Variants in NOD2 observed in about 807,000 individuals in gnomAD.
The protein encoded by NOD2 is nucleotide binding oligomerization domain containing 2, also known as nucleotide-binding oligomerization domain-containing protein 2.
In NOD2, 86 loss-of-function variants were observed where a neutral mutation model predicts 90.9. That is an observed-to-expected ratio of 0.95 (90% CI 0.79 to 1.13). The LOEUF (loss-of-function observed/expected upper bound fraction) is 1.13. NOD2 is among the 50% of genes most tolerant of loss of function. The probability of loss-of-function intolerance (pLI) is 0.00; values close to 1 mark genes in which losing one functional copy is unlikely to be tolerated. For missense variants in NOD2, 1,238 were observed against 1,283.8 expected, an observed-to-expected ratio of 0.96 and a Z score of 0.55; for synonymous variants, 581 against 554.6, an observed-to-expected ratio of 1.05 and a Z score of -0.67.
chr16:50,718,530 A>G (rs1964901048), intron 6 of NOD2, among the ~76,000 whole-genome samples: 1 of 152,244 alleles, frequency 6.6e-6, no homozygotes, highest in South Asian at 2.1e-4. Context: ...AAACCATAGA[A>G]GGCGAAGCTG....
rs199475912 is a variant in NOD2, at chr16:50,710,942, C to T, written c.950C>T (p.Ser317Phe). Residue 317 changes from serine (S) to phenylalanine (F), a missense_variant, in exon 4 of 12, where the codon TCT becomes TTT. This residue lies in a region of NOD2 where 567 missense variants were observed against 577.3 expected (regional missense o/e 0.98). Coordinates refer to ENST00000647318, the MANE Select transcript of NOD2 (RefSeq NM_001370466.1). ...RQLQCMAKPL[S>F]VRTLLFEHCC... ...CTGCAGTGCATGGCCAAACCACTCT[C>T]TGTGCGGACTCTACTCTTTGAGCAC... 6.2e-7 allele frequency: 1 copy of T among 1,614,232 alleles called. No homozygotes were observed. The highest frequency in any genetic ancestry group is 1.3e-5 in the African/African-American group (1 of 75,072).
rs376893805 is a variant in NOD2 at position 50,699,427 on chromosome 16, C to G, written c.-8-61C>G. ...CTGGGGCTGACTTGCCCTGGCCTTC[C>G]CTGACCACCCTGCATCTGGCTTCTG... On this transcript the variant is annotated intron_variant, in intron 1 of 11. Transcript: ENST00000647318. The G allele has an allele frequency of 1.7e-5, 25 of 1,498,300 alleles. No homozygotes were observed. In the African/African-American group the frequency reaches 2.9e-4, roughly 17 times the overall value. The allele number at this position is 1,498,300 out of a possible 1,614,324, so 92.8% of individuals were successfully genotyped here.
chr16:50,705,583 T>C (rs1038806925), intron 2 of NOD2, among the ~76,000 whole-genome samples: 1 of 152,254 alleles, frequency 6.6e-6, no homozygotes, highest in East Asian at 1.9e-4. Flanking sequence ...ACAGACCTTT[T>C]GCCTGGGGAT....
intron 6 of NOD2, among the ~76,000 whole-genome samples, chr16:50,719,466 G>A (rs1964943224): frequency 6.6e-6 from 1 of 152,046 alleles, no homozygotes; most frequent in Non-Finnish European, 1.5e-5. Flanking sequence ...AGGCTCAGTG[G>A]GCCCCACCCC....
rs184148848 is a variant in NOD2, at chr16:50,695,874, G to A, written c.-9+2212G>A. Reference sequence around the variant, plus strand: ...GGAACTAGAGGGAATGGGAGGGGATGGGAGGACTTGGGGACAGCAGTACAG... The same window carrying A: ...GGAACTAGAGGGAATGGGAGGGGATAGGAGGACTTGGGGACAGCAGTACAG... On this transcript the variant is annotated intron_variant, in intron 1 of 11. Transcript: ENST00000647318. 7.9e-5 allele frequency among the ~76,000 whole-genome samples: 12 copies of A among 152,234 alleles called. No individual in the cohort carries two copies. In the South Asian group the frequency reaches 1.0e-3, roughly 13 times the overall value.
intron 2 of NOD2, among the ~76,000 whole-genome samples, chr16:50,703,724 T>C (rs1964049746): frequency 6.6e-6 from 1 of 151,998 alleles, no homozygotes; most frequent in Admixed American, 6.5e-5. Context: ...TATTGCCTTT[T>C]CTTAGATGAA....
chr16:50,700,671 A>G lies in NOD2; in HGVS notation c.459+717A>G, dbSNP rs181635751. On this transcript the variant is annotated intron_variant, in intron 2 of 11. Coordinates refer to ENST00000647318, the MANE Select transcript of NOD2 (RefSeq NM_001370466.1). ...TTGAGTAATGCTTAGGATAGTGTCT[A>G]TTACCACTGGCTGCTATTTATTATT... Among the ~76,000 whole-genome samples, 15 of 152,332 alleles carry G rather than the reference A, an allele frequency of 9.8e-5. No individual in the cohort carries two copies. In the East Asian group the frequency reaches 2.5e-3, roughly 25 times the overall value.
intron 2 of NOD2, among the ~76,000 whole-genome samples, chr16:50,706,312 T>C (rs148968521): frequency 2.0e-5 from 3 of 152,318 alleles, no homozygotes; most frequent in African/African-American, 7.2e-5. Flanking sequence ...AAGGTTACTA[T>C]TGGACTTGGA....
chr16:50,710,649 C>T lies in NOD2; in HGVS notation c.657C>T (p.Leu219=). The T allele has an allele frequency of 6.2e-7, 1 of 1,614,228 alleles. No individual in the cohort carries two copies. Among genetic ancestry groups the T allele is most frequent in the Non-Finnish European group, 8.5e-7 (1 of 1,180,042 alleles). Residue 219 remains leucine, a synonymous_variant, in exon 4 of 12, where the codon CTC becomes CTT. Transcript: ENST00000647318. The part of the protein sequence containing the change: ...FLSTYDGAET[L]CLEDIYTENV... ...GTACCTATGATGGAGCAGAGACGCT[C>T]TGCCTGGAGGACATATACACAGAGA...
chr16:50,718,726 T>C (rs944044309), intron 6 of NOD2, among the ~76,000 whole-genome samples: 4 of 152,128 alleles, frequency 2.6e-5, no homozygotes, highest in Non-Finnish European at 2.9e-5. Flanking sequence ...CAGGCTGTAG[T>C]GATGAGCAAG....
chr16:50,721,567 A>G (rs1422278372), intron 7 of NOD2, among the ~76,000 whole-genome samples: 1 of 151,974 alleles, frequency 6.6e-6, no homozygotes, highest in African/African-American at 2.4e-5. Context: ...ATCATAGCTC[A>G]TTGTAGCCTT....
chr16:50,703,646 T>C (rs893428171), intron 2 of NOD2, among the ~76,000 whole-genome samples: 1 of 143,438 alleles, frequency 7.0e-6, no homozygotes, highest in Admixed American at 7.3e-5. Context: ...ATCGCACCAC[T>C]GCACTCTAGC....
chr16:50,711,849 G>T lies in NOD2; in HGVS notation c.1857G>T (p.Thr619=). The change falls in exon 4 of 12, where the codon ACG becomes ACT. Residue 619 remains threonine, a synonymous_variant. Transcript: ENST00000647318. ...CACCAATGGCCAGGCTCCTGCCCAC[G>T]ATGTGCATCCAGGCCTCGGAGGGAA... ...GNSPMARLLP[T]MCIQASEGKD... The T allele has an allele frequency of 6.2e-7, 1 of 1,612,712 alleles. No individual in the cohort carries two copies. The highest frequency in any genetic ancestry group is 1.1e-5 in the South Asian group (1 of 91,068).
chr16:50,700,850 T>G (rs1963910393), intron 2 of NOD2, among the ~76,000 whole-genome samples: 1 of 152,238 alleles, frequency 6.6e-6, no homozygotes, highest in Non-Finnish European at 1.5e-5. Flanking sequence ...TTATGTAGGA[T>G]TTCTGACATG....
chr16:50,719,744 A>C, intron 6 of NOD2, 181 bp from the exon 7 acceptor site: 2 of 716,302 alleles, frequency 2.8e-6, no homozygotes, highest in Non-Finnish European at 5.1e-6. Context: ...TGCTGGGGGA[A>C]AATGAAGTTG....
At chr16:50,697,334 T>C in intron 1 of NOD2, 1 of 1,551,374 alleles carries the variant, frequency 6.4e-7, no homozygotes, top group Non-Finnish European at 8.7e-7. Flanking sequence ...GAGCAGGCAT[T>C]GTCCCGTCCC....
chr16:50,710,248 CACTT>C (rs1428507474), intron 3 of NOD2, among the ~76,000 whole-genome samples: 1 of 152,212 alleles, frequency 6.6e-6, no homozygotes, highest in African/African-American at 2.4e-5. Flanking sequence ...GTCTTTTGAG[CACTT>C]ACTTTGTGTT....
Position 50,719,906 on chromosome 16 carries a change from C to T in NOD2, c.2550-19C>T, listed in dbSNP as rs545121947. ...GCCTGCCGCTGTGTTCTCTCAGCCT[C>T]CTCTGTCTTCCCTTCCAGGCTGGGG... On this transcript the variant is annotated intron_variant, in intron 6 of 11. Coordinates refer to ENST00000647318, the MANE Select transcript of NOD2 (RefSeq NM_001370466.1). 6.2e-7 allele frequency: 1 copy of T among 1,611,956 alleles called. No individual in the cohort carries two copies. The highest frequency in any genetic ancestry group is 2.2e-5 in the East Asian group (1 of 44,862).
chr16:50,712,484 C>T (rs1394425088), intron 4 of NOD2, 111 bp downstream of exon 4: 2 of 1,388,662 alleles, frequency 1.4e-6, no homozygotes, highest in Non-Finnish European at 2.0e-6. Context: ...CCTCTGCCAC[C>T]CTGCTTTGCA....
Sources: gnomAD v4.1 joint callset for allele counts (sites outside exome capture counted in the v4.1 genomes callset) on GRCh38, gnomAD v4.1.1 for gene constraint, gnomAD v4.1.1 regional missense constraint, MANE v1.5 for transcripts, NCBI Gene and HGNC (gene_info 2026-07-23, HGNC 2026-07-21) for gene names.